Variants in DENND1B observed in about 807,000 individuals in gnomAD.
The protein encoded by DENND1B is DENN domain containing 1B, also known as DENN domain-containing protein 1B.
In DENND1B, 59 loss-of-function variants were observed where a neutral mutation model predicts 90.1. That is an observed-to-expected ratio of 0.65 (90% confidence interval 0.53 to 0.81). DENND1B has a LOEUF of 0.81. Among genes scored for constraint, DENND1B ranks in the 40% least tolerant of loss-of-function variants. The probability of loss-of-function intolerance (pLI) is 0.00; values close to 1 mark genes in which losing one functional copy is unlikely to be tolerated. For synonymous variants in DENND1B, 337 were observed against 324.6 expected (o/e 1.04, Z -0.41); for missense variants, 862 against 912.6 (o/e 0.94, Z 0.71).
chr1:197,643,340 A>C (rs1199590440), intron 9 of DENND1B, among the ~76,000 whole-genome samples: 1 of 151,924 alleles, frequency 6.6e-6, no homozygotes, highest in Non-Finnish European at 1.5e-5. Context: ...TTTTTAGTAG[A>C]GAGATGGGGT....
At chr1:197,720,053 C>T (rs1192462480) in intron 2 of DENND1B, among the ~76,000 whole-genome samples, 2 of 152,130 alleles carry the variant, frequency 1.3e-5, no homozygotes, top group Non-Finnish European at 2.9e-5. Context: ...ATTTCCTTGT[C>T]TCTTTCTCCC....
intron 5 of DENND1B, among the ~76,000 whole-genome samples, chr1:197,671,692 C>T (rs1209705933): frequency 6.6e-6 from 1 of 152,086 alleles, no homozygotes; most frequent in African/African-American, 2.4e-5. Context: ...AATCCAAGTT[C>T]TGGTTCAGTG....
intron 14 of DENND1B, among the ~76,000 whole-genome samples, chr1:197,592,443 G>A (rs887824262): frequency 2.0e-5 from 3 of 152,076 alleles, no homozygotes; most frequent in Non-Finnish European, 4.4e-5. Flanking sequence ...AAATAACAAT[G>A]TAATTAACAA....
At chr1:197,620,833 A>G (rs1558314836) in intron 10 of DENND1B, among the ~76,000 whole-genome samples, 1 of 151,446 alleles carries the variant, frequency 6.6e-6, no homozygotes, top group East Asian at 1.9e-4. Flanking sequence ...GAAAGCAAAC[A>G]ATAAACAAGT....
At chr1:197,563,076 G>C (rs1225713847) in intron 15 of DENND1B, among the ~76,000 whole-genome samples, 2 of 151,886 alleles carry the variant, frequency 1.3e-5, no homozygotes, top group African/African-American at 2.4e-5. Flanking sequence ...ATGAGATTTA[G>C]GGAAAGAAAC....
At chr1:197,770,592 G>T (rs1205053304) in intron 2 of DENND1B, among the ~76,000 whole-genome samples, 1 of 141,056 alleles carries the variant, frequency 7.1e-6, no homozygotes. Context: ...TTAGCCTGTT[G>T]TGTGTGTGTG....
rs369605783 is a variant in DENND1B, at chr1:197,642,694, A to G, written c.672+17T>C. The G allele has an allele frequency of 7.0e-6, 11 of 1,578,520 alleles. No individual in the cohort carries two copies. The highest frequency in any genetic ancestry group is 1.8e-5 in the Admixed American group (1 of 56,802). The stretch of plus-strand genomic sequence containing the variant: ...ACACTCAATACCTGCTACTTAAAAG[A>G]AGTGTGAAGTACTTACAGTGCTTAA... On this transcript the variant is annotated intron_variant, in intron 10 of 22. Coordinates refer to ENST00000620048, the MANE Select transcript of DENND1B (RefSeq NM_001195215.2).
At chr1:197,526,039 T>C (rs1669111998) in intron 20 of DENND1B, among the ~76,000 whole-genome samples, 1 of 152,080 alleles carries the variant, frequency 6.6e-6, no homozygotes, top group Non-Finnish European at 1.5e-5. Flanking sequence ...ACTTAAGATA[T>C]TTATGTATTA....
At chr1:197,763,553 C>A (rs1034301411) in intron 2 of DENND1B, among the ~76,000 whole-genome samples, 4 of 152,204 alleles carry the variant, frequency 2.6e-5, no homozygotes, top group Non-Finnish European at 4.4e-5. Flanking sequence ...AGGCAAGTTA[C>A]ACTGTAGCAG....
At chr1:197,701,683 T>C (rs1421264543) in intron 3 of DENND1B, among the ~76,000 whole-genome samples, 2 of 152,180 alleles carry the variant, frequency 1.3e-5, no homozygotes, top group East Asian at 3.9e-4. Context: ...AAGAACCACA[T>C]CGTCTTCTTT....
intron 2 of DENND1B, among the ~76,000 whole-genome samples, chr1:197,720,006 G>T (rs1052986674): frequency 2.6e-5 from 4 of 152,134 alleles, no homozygotes; most frequent in African/African-American, 9.7e-5. Context: ...TGCTTTCTGT[G>T]TATGATCAGA....
intron 3 of DENND1B, among the ~76,000 whole-genome samples, chr1:197,698,407 G>C (rs1428305722): frequency 6.6e-6 from 1 of 151,776 alleles, no homozygotes; most frequent in Non-Finnish European, 1.5e-5. Context: ...GGTACATAGC[G>C]AAAGCAGTGT....
intron 9 of DENND1B, among the ~76,000 whole-genome samples, chr1:197,643,657 T>C (rs895274040): frequency 6.6e-6 from 1 of 152,194 alleles, no homozygotes; most frequent in East Asian, 1.9e-4. Context: ...TGGTACTTTA[T>C]TAAGGAAATT....
chr1:197,737,605 T>C (rs1159710771), intron 2 of DENND1B, among the ~76,000 whole-genome samples: 1 of 152,186 alleles, frequency 6.6e-6, no homozygotes, highest in Admixed American at 6.5e-5. Flanking sequence ...GAGATTCTCC[T>C]ACTTAATCAT....
chr1:197,640,068 C>T (rs1680137953), intron 10 of DENND1B, among the ~76,000 whole-genome samples: 1 of 152,080 alleles, frequency 6.6e-6, no homozygotes. Context: ...GAAAACAACT[C>T]CCCCAAAATA....
At chr1:197,731,641 G>T (rs1015281892) in intron 2 of DENND1B, among the ~76,000 whole-genome samples, 5 of 152,080 alleles carry the variant, frequency 3.3e-5, no homozygotes, top group Non-Finnish European at 7.4e-5. Context: ...GCTTCCCTGG[G>T]CCACAGTGGA....
chr1:197,616,657 AC>A (rs1263555368), intron 11 of DENND1B, among the ~76,000 whole-genome samples: 1 of 151,124 alleles, frequency 6.6e-6, no homozygotes, highest in Non-Finnish European at 1.5e-5. Flanking sequence ...GTTAATAGAA[AC>A]CCTCTGTGTA....
intron 15 of DENND1B, among the ~76,000 whole-genome samples, chr1:197,554,773 TA>T (rs1571858659): frequency 1.6e-5 from 2 of 121,640 alleles, no homozygotes; most frequent in East Asian, 5.4e-4. Flanking sequence ...ACCCAGGAGG[TA>T]GAGGTTGCAA....
chr1:197,770,453 C>T (rs1656286438), intron 2 of DENND1B, among the ~76,000 whole-genome samples: 1 of 151,652 alleles, frequency 6.6e-6, no homozygotes, highest in African/African-American at 2.4e-5. Flanking sequence ...CACTCAAAAG[C>T]CTTTATAAGA....
Sources: gnomAD v4.1 joint callset for allele counts (sites outside exome capture counted in the v4.1 genomes callset) on GRCh38, gnomAD v4.1.1 for gene constraint, MANE v1.5 for transcripts, NCBI Gene and HGNC (gene_info 2026-07-23, HGNC 2026-07-21) for gene names.